NAALADL2: variants seen among roughly 807,000 people sequenced by gnomAD.
NAALADL2 encodes N-acetylated alpha-linked acidic dipeptidase like 2.
In NAALADL2, 76 loss-of-function variants were observed where a neutral mutation model predicts 87.2. That is an observed-to-expected ratio of 0.87 (90% CI 0.72 to 1.05). The LOEUF (loss-of-function observed/expected upper bound fraction) is 1.05. Ranked by LOEUF, NAALADL2 falls within the 50% of genes least tolerant of loss-of-function variation. The pLI is 0.00. For missense variants in NAALADL2, 1,089 were observed against 945.8 expected, an observed-to-expected ratio of 1.15 and a Z score of -1.99; for synonymous variants, 354 against 331.0, an observed-to-expected ratio of 1.07 and a Z score of -0.75.
intron 5 of NAALADL2, among the ~76,000 whole-genome samples, chr3:175,350,746 T>C (rs1465003001): frequency 2.0e-5 from 3 of 152,140 alleles, no homozygotes; most frequent in Non-Finnish European, 4.4e-5. Context: ...CAAGAAGTAT[T>C]AAAGTAAACT....
intron 5 of NAALADL2, among the ~76,000 whole-genome samples, chr3:175,372,290 G>T (rs1396442378): frequency 6.6e-6 from 1 of 152,180 alleles, no homozygotes; most frequent in Admixed American, 6.5e-5. Flanking sequence ...CTCACGCTCT[G>T]CCTTCTGGAG....
rs754276736 is a variant in NAALADL2 at position 175,471,746 on chromosome 3, A to T, written c.1641A>T (p.Gln547His). 1.2e-6 allele frequency: 2 copies of T among 1,607,876 alleles called. No homozygotes were observed. The highest frequency in any genetic ancestry group is 1.7e-6 in the Non-Finnish European group (2 of 1,177,434). ...CTGTAGCATCACCATCTCTTCAGCAACTGGTAGTAGAGGTAAGACAAACCA... is the reference window on the plus strand; with the variant it reads ...CTGTAGCATCACCATCTCTTCAGCATCTGGTAGTAGAGGTAAGACAAACCA... ...LYPVASPSLQ[Q>H]LVVEKNNFNC... The change falls in exon 9 of 14, where the codon CAA becomes CAT. Residue 547 changes from glutamine (Q) to histidine (H), a missense_variant. Coordinates refer to ENST00000454872, the MANE Select transcript of NAALADL2 (RefSeq NM_207015.3).
At chr3:174,693,683 T>C (rs1267819108) in intron 2 of NAALADL2, among the ~76,000 whole-genome samples, 1 of 152,158 alleles carries the variant, frequency 6.6e-6, no homozygotes, top group Admixed American at 6.5e-5. Context: ...TAGTAATATG[T>C]TGGGGAGAGG....
chr3:175,103,093 C>A (rs1020281549), intron 2 of NAALADL2, among the ~76,000 whole-genome samples: 2 of 129,408 alleles, frequency 1.5e-5, no homozygotes, highest in Non-Finnish European at 3.1e-5. Flanking sequence ...AACGGCAGAG[C>A]GAGACTCCGT....
At chr3:175,780,065 G>T (rs565126528) in intron 13 of NAALADL2, among the ~76,000 whole-genome samples, 6 of 151,344 alleles carry the variant, frequency 4.0e-5, no homozygotes, top group South Asian at 4.2e-4. Flanking sequence ...TCAGTAGATC[G>T]AGACCATCCT....
chr3:174,894,361 C>T (rs542638962), intron 1 of NAALADL2, among the ~76,000 whole-genome samples: 33 of 151,924 alleles, frequency 2.2e-4, no homozygotes, highest in East Asian at 9.7e-4. Context: ...GAGGCCAAGA[C>T]GGGTGGATCA....
chr3:174,906,186 A>G (rs1393473442), intron 1 of NAALADL2, among the ~76,000 whole-genome samples: 2 of 152,104 alleles, frequency 1.3e-5, no homozygotes, highest in African/African-American at 2.4e-5. Flanking sequence ...TTAGAACTAT[A>G]AAAGAAACAA....
intron 11 of NAALADL2, among the ~76,000 whole-genome samples, chr3:175,636,004 G>A (rs773793891): frequency 3.3e-5 from 5 of 152,072 alleles, no homozygotes; most frequent in South Asian, 2.1e-4. Flanking sequence ...ACCCTGTTAC[G>A]ACAGTTTAAT....
intron 1 of NAALADL2, among the ~76,000 whole-genome samples, chr3:174,959,848 A>T (rs1380852204): frequency 1.3e-5 from 2 of 152,068 alleles, no homozygotes; most frequent in Admixed American, 1.3e-4. Flanking sequence ...TAGATTTGTT[A>T]GCAGTATCTT....
intron 2 of NAALADL2, among the ~76,000 whole-genome samples, chr3:174,721,976 C>T (rs1731749809): frequency 6.6e-6 from 1 of 152,212 alleles, no homozygotes; most frequent in African/African-American, 2.4e-5. Context: ...GTTTCATCAA[C>T]AATCCTGAAA....
intron 12 of NAALADL2, among the ~76,000 whole-genome samples, chr3:175,745,503 A>G (rs542379538): frequency 6.6e-6 from 1 of 152,326 alleles, no homozygotes; most frequent in South Asian, 2.1e-4. Context: ...ACTTGTGCAC[A>G]CTATAGATCA....
intron 11 of NAALADL2, among the ~76,000 whole-genome samples, chr3:175,704,686 C>T (rs1739435766): frequency 6.6e-6 from 1 of 152,106 alleles, no homozygotes; most frequent in East Asian, 1.9e-4. Flanking sequence ...ACCTTTGTTT[C>T]TCCAAATCTT....
chr3:174,971,307 G>T (rs1161728227), intron 1 of NAALADL2, among the ~76,000 whole-genome samples: 1 of 152,182 alleles, frequency 6.6e-6, no homozygotes, highest in Non-Finnish European at 1.5e-5. Context: ...TTGTGGATTG[G>T]ATTGATATTG....
In NAALADL2 at chr3:174,689,257, T is replaced by C. The variant is rs144442132; in HGVS notation, c.-114-48384T>C. Among the ~76,000 whole-genome samples the C allele has an allele frequency of 3.7e-4, 57 of 152,264 alleles. 1 individual carries two copies. The East Asian group carries it at 9.9e-3, about 26-fold the overall frequency. On this transcript the variant is annotated intron_variant, in intron 2 of 3. Transcript: ENST00000434257. ...TTCTATGCTCAAAGCCTAGATATTT[T>C]TGTTAGTCTTTTTGCTATGCCTGGA...
chr3:175,381,590 T>A (rs1767792042), intron 5 of NAALADL2, among the ~76,000 whole-genome samples: 1 of 152,212 alleles, frequency 6.6e-6, no homozygotes, highest in African/African-American at 2.4e-5. Flanking sequence ...AGCACATTTA[T>A]TTACTGAATT....
At chr3:174,675,610 A>G (rs192712258) in intron 2 of NAALADL2, among the ~76,000 whole-genome samples, 42 of 152,170 alleles carry the variant, frequency 2.8e-4, no homozygotes, top group African/African-American at 9.1e-4. Context: ...AATGGATTTA[A>G]CCTTGCAGCT....
At chr3:175,662,063 G>T (rs1582812926) in intron 11 of NAALADL2, among the ~76,000 whole-genome samples, 1 of 151,784 alleles carries the variant, frequency 6.6e-6, no homozygotes, top group East Asian at 1.9e-4. Context: ...TGAAGCTGTA[G>T]ATTACCTTGG....
rs376965136 is a variant in NAALADL2, at chr3:175,013,127, T to TA, written c.44-83663_44-83662insA. On this transcript the variant is annotated intron_variant, in intron 1 of 13. Transcript: ENST00000454872. ...ACATATTTATATATAAATATACATA[T>TA]TTATATATAAATATGTAATACATAT... Among the ~76,000 whole-genome samples, 2 of 84,478 alleles carry TA rather than the reference T, an allele frequency of 2.4e-5. 1 individual carries two copies. The highest frequency in any genetic ancestry group is 1.1e-4 in the African/African-American group (2 of 18,988). The allele number at this position is 84,478 out of a possible 152,430, so 55.4% of individuals were successfully genotyped here.
intron 1 of NAALADL2, among the ~76,000 whole-genome samples, chr3:174,919,856 A>G (rs1734909734): frequency 1.3e-5 from 2 of 152,154 alleles, no homozygotes; most frequent in African/African-American, 4.8e-5. Flanking sequence ...CTTGATCCAT[A>G]TGCTGCAGAA....
Sources: allele counts gnomAD v4.1 joint callset (sites outside exome capture counted in the v4.1 genomes callset), GRCh38; gene constraint gnomAD v4.1.1; transcripts MANE v1.5; gene names NCBI Gene and HGNC (gene_info 2026-07-23, HGNC 2026-07-21).